Variants in GRIK2 observed in about 807,000 individuals in gnomAD.
GRIK2 encodes the protein glutamate receptor ionotropic, kainate 2.
GRIK2 carries 32 observed loss-of-function variants against 100.3 expected under a neutral mutation model. The observed-to-expected ratio is 0.32, with a 90% confidence interval of 0.24 to 0.43. The LOEUF is 0.43. GRIK2 is among the 20% of genes least tolerant of loss of function. GRIK2 has a pLI of 1.00. For synonymous variants in GRIK2, 417 were observed against 389.4 expected, an observed-to-expected ratio of 1.07 and a Z score of -0.83; for missense variants, 843 against 1,114.9, an observed-to-expected ratio of 0.76 and a Z score of 3.47.
chr6:101,612,996 A>C (rs9390763), intron 2 of GRIK2, among the ~76,000 whole-genome samples: 1 of 151,650 alleles, frequency 6.6e-6, no homozygotes, highest in Admixed American at 6.6e-5. Context: ...TAGGAAGTTG[A>C]ATAATAAGAT....
chr6:101,873,710 C>T (rs1421487087), intron 11 of GRIK2, among the ~76,000 whole-genome samples: 2 of 151,980 alleles, frequency 1.3e-5, no homozygotes, highest in Non-Finnish European at 2.9e-5. Context: ...ACAGTCCCAC[C>T]AACAGTGTAA....
At chr6:101,600,303 C>A (rs1179108464) in intron 2 of GRIK2, among the ~76,000 whole-genome samples, 4 of 151,750 alleles carry the variant, frequency 2.6e-5, no homozygotes, top group Non-Finnish European at 5.9e-5. Context: ...GTTATTGTAG[C>A]CTTATAGTAC....
chr6:101,474,891 C>T (rs1007586210), intron 2 of GRIK2, among the ~76,000 whole-genome samples: 1 of 151,900 alleles, frequency 6.6e-6, no homozygotes, highest in African/African-American at 2.4e-5. Context: ...TAGAATTATA[C>T]ACTTGTAGTA....
Position 101,654,228 on chromosome 6 carries a change from T to C in GRIK2, c.542-22395T>C, listed in dbSNP as rs2852557. ...ATCTGCTGCTCTAAAATCAAGGTCA[T>C]TGTATCTAGTAGTGACCCCCTGGTA... On this transcript the variant is annotated intron_variant, in intron 4 of 16. Coordinates refer to ENST00000369134, the MANE Select transcript of GRIK2 (RefSeq NM_021956.5). Among the ~76,000 whole-genome samples the C allele has an allele frequency of 1.7e-3, 256 of 152,264 alleles. 2 individuals are homozygous for C. The highest frequency in any genetic ancestry group is 6.1e-3 in the African/African-American group (253 of 41,566).
intron 14 of GRIK2, among the ~76,000 whole-genome samples, chr6:102,030,032 T>C (rs1421279303): frequency 6.6e-6 from 1 of 151,272 alleles, no homozygotes; most frequent in East Asian, 1.9e-4. Context: ...TTAGCAACTT[T>C]CAAGTATAAA....
chr6:101,904,071 T>G (rs907371017), intron 12 of GRIK2, among the ~76,000 whole-genome samples: 2 of 151,536 alleles, frequency 1.3e-5, no homozygotes, highest in Admixed American at 1.3e-4. Context: ...GGGCCTTTTT[T>G]TTTTCTCTGT....
chr6:101,974,077 T>G (rs1264401668), intron 14 of GRIK2, among the ~76,000 whole-genome samples: 2 of 151,982 alleles, frequency 1.3e-5, no homozygotes, highest in Non-Finnish European at 2.9e-5. Context: ...GAAAGTTATT[T>G]TTAATAATAG....
chr6:101,861,168 A>G (rs1784713911), intron 11 of GRIK2, among the ~76,000 whole-genome samples: 3 of 152,218 alleles, frequency 2.0e-5, no homozygotes, highest in Admixed American at 6.5e-5. Flanking sequence ...ATAATTAGGA[A>G]TGATATATAG....
intron 15 of GRIK2, among the ~76,000 whole-genome samples, chr6:102,043,551 CTCT>C (rs1383210902): frequency 6.6e-6 from 1 of 151,796 alleles, no homozygotes; most frequent in Admixed American, 6.6e-5. Context: ...GCATAATATT[CTCT>C]TGTTTCATCT....
intron 12 of GRIK2, among the ~76,000 whole-genome samples, chr6:101,904,973 C>T (rs1245461420): frequency 6.6e-6 from 1 of 151,358 alleles, no homozygotes; most frequent in African/African-American, 2.4e-5. Context: ...AAACAATGTA[C>T]AAGCAGAACT....
intron 2 of GRIK2, among the ~76,000 whole-genome samples, chr6:101,604,911 G>A (rs1405110636): frequency 6.6e-6 from 1 of 151,910 alleles, no homozygotes; most frequent in Non-Finnish European, 1.5e-5. Flanking sequence ...TTTAAAATAG[G>A]TGTAGAAATT....
intron 2 of GRIK2, among the ~76,000 whole-genome samples, chr6:101,480,892 A>G (rs1772493179): frequency 6.6e-6 from 1 of 152,214 alleles, no homozygotes; most frequent in Admixed American, 6.5e-5. Context: ...TGAGAAATTG[A>G]AAGCAGTAAA....
intron 2 of GRIK2, among the ~76,000 whole-genome samples, chr6:101,551,773 C>T (rs578081464): frequency 3.9e-5 from 6 of 152,134 alleles, no homozygotes; most frequent in African/African-American, 1.4e-4. Context: ...TAATTCTCTC[C>T]TTCACTTTGC....
At chr6:101,703,196 T>C (rs1773017166) in intron 7 of GRIK2, among the ~76,000 whole-genome samples, 1 of 151,878 alleles carries the variant, frequency 6.6e-6, no homozygotes, top group Non-Finnish European at 1.5e-5. Context: ...CATTAGCACA[T>C]AGATAATATT....
At chr6:102,064,769 G>C (rs1177640013) in intron 16 of GRIK2, among the ~76,000 whole-genome samples, 28 of 151,012 alleles carry the variant, frequency 1.9e-4, no homozygotes, top group South Asian at 2.1e-4. Flanking sequence ...TCAAGATATG[G>C]AATTTGCCTT....
chr6:101,730,762 G>A (rs1003764980), intron 7 of GRIK2, among the ~76,000 whole-genome samples: 3 of 151,508 alleles, frequency 2.0e-5, no homozygotes, highest in Non-Finnish European at 4.4e-5. Context: ...GAAAGAGAGA[G>A]GAACTTCAAG....
At chr6:101,480,135 A>G (rs1772451507) in intron 2 of GRIK2, among the ~76,000 whole-genome samples, 1 of 152,130 alleles carries the variant, frequency 6.6e-6, no homozygotes, top group South Asian at 2.1e-4. Flanking sequence ...ATTCTATCAA[A>G]GCATTTCTGC....
At chr6:101,787,832 A>T (rs1394508660) in intron 7 of GRIK2, among the ~76,000 whole-genome samples, 2 of 152,138 alleles carry the variant, frequency 1.3e-5, no homozygotes, top group African/African-American at 4.8e-5. Flanking sequence ...GCTAAACTGC[A>T]GTTTTAATCT....
intron 2 of GRIK2, among the ~76,000 whole-genome samples, chr6:101,495,812 T>G: frequency 6.6e-6 from 1 of 152,316 alleles, no homozygotes; most frequent in South Asian, 2.1e-4. Flanking sequence ...CACACCTTTT[T>G]TTTTTTAACA....
Sources: allele counts gnomAD v4.1 joint callset (sites outside exome capture counted in the v4.1 genomes callset), GRCh38; gene constraint gnomAD v4.1.1; transcripts MANE v1.5; gene names NCBI Gene and HGNC (gene_info 2026-07-23, HGNC 2026-07-21).